The following PTBP2 variants were observed in gnomAD, a reference collection of about 807,000 sequenced individuals.
PTBP2 encodes polypyrimidine tract-binding protein 2.
A neutral mutation model predicts 61.4 loss-of-function variants in PTBP2; 13 were observed. The ratio of observed to expected loss-of-function variants is 0.21; its 90% CI spans 0.14 to 0.34. PTBP2 has a LOEUF of 0.34. Among genes scored for constraint, PTBP2 ranks in the 10% least tolerant of loss-of-function variants. The pLI is 1.00. For missense variants in PTBP2, 405 were observed against 642.6 expected (o/e 0.63, Z 4.00); for synonymous variants, 215 against 218.5 (o/e 0.98, Z 0.14).
chr1:96,745,004 C>T (rs1429228363), intron 2 of PTBP2, among the ~76,000 whole-genome samples: 1 of 152,128 alleles, frequency 6.6e-6, no homozygotes, highest in Non-Finnish European at 1.5e-5. Flanking sequence ...AATACCTGAT[C>T]ACCTTATCCT....
chr1:96,727,664 G>A (rs757354031), intron 2 of PTBP2, among the ~76,000 whole-genome samples: 17 of 151,884 alleles, frequency 1.1e-4, no homozygotes, highest in East Asian at 3.9e-4. Flanking sequence ...ACATCTTTTC[G>A]TGTGCTTTTT....
chr1:96,804,640 A>G (rs1661332870), intron 8 of PTBP2, 160 bp from the exon 9 acceptor site: 2 of 625,606 alleles, frequency 3.2e-6, no homozygotes, highest in Admixed American at 3.1e-5. Flanking sequence ...ACACATCAGC[A>G]AACAATTTTT....
intron 11 of PTBP2, among the ~76,000 whole-genome samples, chr1:96,809,686 T>TTAG (rs1661853819): frequency 6.6e-6 from 1 of 152,100 alleles, no homozygotes; most frequent in Admixed American, 6.5e-5. Flanking sequence ...TAATTTATTA[T>TTAG]TATTATTATT....
chr1:96,805,680 T>C (rs142223948), intron 9 of PTBP2, among the ~76,000 whole-genome samples: 6 of 152,326 alleles, frequency 3.9e-5, no homozygotes, highest in Admixed American at 3.9e-4. Context: ...ATTTGTTTCA[T>C]TTTTAATTGG....
chr1:96,747,053 T>G, intron 2 of PTBP2, among the ~76,000 whole-genome samples: 1 of 151,612 alleles, frequency 6.6e-6, no homozygotes, highest in East Asian at 1.9e-4. Context: ...GTGAGCTCAG[T>G]ACCCAACAGT....
chr1:96,771,312 A>C (rs1404890317), intron 5 of PTBP2: 1 of 152,874 alleles, frequency 6.5e-6, no homozygotes, highest in Non-Finnish European at 1.5e-5. Flanking sequence ...TGTAATATAG[A>C]AGATATTGTT....
exon 14 of PTBP2, chr1:96,822,326 T>C (rs1046427534): frequency 6.6e-6 from 1 of 152,102 alleles, no homozygotes; most frequent in Non-Finnish European, 1.5e-5. Context: ...GTTTAAAAGT[T>C]GGGGACAAAA....
At chr1:96,767,594 T>C (rs1409338954) in intron 3 of PTBP2, among the ~76,000 whole-genome samples, 1 of 152,174 alleles carries the variant, frequency 6.6e-6, no homozygotes, top group African/African-American at 2.4e-5. Context: ...AAGGTCTTAG[T>C]CCTGTATCAG....
rs11165722 is a variant in PTBP2 at position 96,795,706 on chromosome 1, C to T, written c.905-9094C>T. On this transcript the variant is annotated intron_variant, in intron 8 of 13. Transcript: ENST00000674951. ...AATTACAAGGAATTAAGGATATAAA[C>T]GTGATAAGAAAGTATGCACTGTACT... Among the ~76,000 whole-genome samples, 1,176 of 152,100 alleles carry T rather than the reference C, an allele frequency of 7.7e-3. 22 individuals carry two copies. Among genetic ancestry groups the T allele is most frequent in the African/African-American group, 0.027 (1,115 of 41,486 alleles).
intron 3 of PTBP2, among the ~76,000 whole-genome samples, chr1:96,763,775 A>G (rs968629467): frequency 1.3e-5 from 2 of 152,186 alleles, no homozygotes; most frequent in African/African-American, 4.8e-5. Flanking sequence ...TTTAACCTCC[A>G]TGTACAGAGG....
intron 2 of PTBP2, 129 bp from the exon 3 acceptor site, chr1:96,751,293 ATTT>A: frequency 3.9e-6 from 3 of 776,222 alleles, no homozygotes; most frequent in Non-Finnish European, 6.8e-6. Context: ...GATGAAGTTA[ATTT>A]TTTATTATAG....
At chr1:96,759,794 AG>A (rs1412154218) in intron 3 of PTBP2, among the ~76,000 whole-genome samples, 1 of 152,212 alleles carries the variant, frequency 6.6e-6, no homozygotes, top group Non-Finnish European at 1.5e-5. Context: ...TGACTGTATT[AG>A]TCCATTTTCA....
At chr1:96,762,500 CCCGCCA>C in intron 3 of PTBP2, among the ~76,000 whole-genome samples, 1 of 96,706 alleles carries the variant, frequency 1.0e-5, no homozygotes, top group Admixed American at 9.4e-5. Context: ...GGGGCTGACC[CCCGCCA>C]CCTCCCTCCC....
chr1:96,777,498 G>A, intron 5 of PTBP2, 87 bp from the exon 6 acceptor site: 1 of 1,217,418 alleles, frequency 8.2e-7, no homozygotes, highest in Non-Finnish European at 1.1e-6. Context: ...GTAAGTTCTA[G>A]GAACAAAGTG....
At chr1:96,806,378 T>C (rs1490485140) in intron 9 of PTBP2, 41 bp from the exon 10 acceptor site, 1 of 1,455,506 alleles carries the variant, frequency 6.9e-7, no homozygotes, top group Non-Finnish European at 9.7e-7. Flanking sequence ...GACTCTTCTC[T>C]CTTCTTGTCT....
intron 3 of PTBP2, among the ~76,000 whole-genome samples, chr1:96,762,505 C>A (rs1161064676): frequency 7.2e-6 from 1 of 138,478 alleles, no homozygotes; most frequent in African/African-American, 2.7e-5. Context: ...TGACCCCCGC[C>A]ACCTCCCTCC....
intron 2 of PTBP2, among the ~76,000 whole-genome samples, chr1:96,736,097 T>C (rs542883131): frequency 2.9e-4 from 44 of 152,214 alleles, no homozygotes; most frequent in Non-Finnish European, 5.6e-4. Flanking sequence ...TGTTATTTTA[T>C]AGCCAGCCAA....
rs1314772522 is a variant in PTBP2 at position 96,777,649 on chromosome 1, C to T, written c.497C>T (p.Thr166Ile). 6.8e-6 allele frequency: 11 copies of T among 1,613,532 alleles called. No homozygotes were observed. The highest frequency in any genetic ancestry group is 8.5e-6 in the Non-Finnish European group (10 of 1,179,616). ...VQTANTPLSG[T>I]TVSESAVTPA... ...ACAGCAAATACTCCTCTTAGTGGCA[C>T]CACAGTTAGCGAGAGTGCAGTGACT... is the stretch of plus-strand genomic sequence containing the variant. The change falls in exon 6 of 14, where the codon ACC (threonine) becomes ATC (isoleucine). Residue 166 changes from threonine (T) to isoleucine (I), a missense_variant. Thr to Ile is a moderately conservative substitution (Grantham distance 89). Around this residue, in one of 4 missense-constraint regions of PTBP2, gnomAD observed 342 missense variants for 491.2 expected, o/e 0.70. Coordinates refer to ENST00000674951, the MANE Select transcript of PTBP2 (RefSeq NM_021190.4).
intron 4 of PTBP2, 150 bp from the exon 5 acceptor site, chr1:96,770,558 A>G (rs1448011480): frequency 2.7e-6 from 2 of 753,512 alleles, no homozygotes; most frequent in African/African-American, 3.6e-5. Flanking sequence ...AACTTCAACA[A>G]GAGATTTCTA....
Sources: gnomAD v4.1 joint callset for allele counts (sites outside exome capture counted in the v4.1 genomes callset) on GRCh38, gnomAD v4.1.1 for gene constraint, gnomAD v4.1.1 regional missense constraint, MANE v1.5 for transcripts, NCBI Gene and HGNC (gene_info 2026-07-23, HGNC 2026-07-21) for gene names.